The following MEI4 variants were observed in gnomAD, a reference collection of about 807,000 sequenced individuals.
MEI4 encodes meiosis-specific protein MEI4.
MEI4 carries 27 observed loss-of-function variants against 31.4 expected under a neutral mutation model. The observed-to-expected ratio is 0.86, with a 90% CI of 0.63 to 1.19. The LOEUF (loss-of-function observed/expected upper bound fraction) is 1.19. MEI4 is among the 50% of genes most tolerant of loss of function. MEI4 has a pLI of 0.00. For synonymous variants in MEI4, 122 were observed against 145.4 expected (o/e 0.84, Z 1.16); for missense variants, 329 against 398.9 (o/e 0.82, Z 1.49).
chr6:77,907,130 AT>A (rs1410619946), intron 4 of MEI4, among the ~76,000 whole-genome samples: 1 of 151,902 alleles, frequency 6.6e-6, no homozygotes, highest in African/African-American at 2.4e-5. Flanking sequence ...AGAATATTGA[AT>A]TACTAGCCAT....
At chr6:77,677,311 T>C (rs1768862563) in intron 1 of MEI4, among the ~76,000 whole-genome samples, 1 of 152,188 alleles carries the variant, frequency 6.6e-6, no homozygotes, top group African/African-American at 2.4e-5. Flanking sequence ...ATTTTCCCAA[T>C]GGCCTACCAC....
intron 2 of MEI4, among the ~76,000 whole-genome samples, chr6:77,732,449 G>C (rs1767030495): frequency 6.6e-6 from 1 of 152,036 alleles, no homozygotes; most frequent in Non-Finnish European, 1.5e-5. Flanking sequence ...TGGTGTATAA[G>C]AATGCTTGTG....
intron 2 of MEI4, among the ~76,000 whole-genome samples, chr6:77,752,633 T>G (rs559069079): frequency 6.6e-6 from 1 of 152,298 alleles, no homozygotes; most frequent in East Asian, 1.9e-4. Context: ...AGAAAAACTT[T>G]CCATGCTCAT....
intron 3 of MEI4, among the ~76,000 whole-genome samples, chr6:77,795,644 A>C (rs1290082443): frequency 6.6e-6 from 1 of 152,170 alleles, no homozygotes; most frequent in Non-Finnish European, 1.5e-5. Context: ...GACTACTGTG[A>C]ACATTATATG....
At position 77,917,985 on chromosome 6, in the gene MEI4, T is replaced by C. The variant is rs1209173601; in HGVS notation, c.901-5104T>C. On this transcript the variant is annotated intron_variant, in intron 4 of 4. Transcript: ENST00000684080. ...GGATCCAGTTTCAGCTTTCTACATATGGCTAGCCAGTTTTCCCATCACCAT... is the reference window on the plus strand; with the variant it reads ...GGATCCAGTTTCAGCTTTCTACATACGGCTAGCCAGTTTTCCCATCACCAT... Among the ~76,000 whole-genome samples, 3 of 151,800 alleles carry C rather than the reference T, an allele frequency of 2.0e-5. No homozygotes were observed. The East Asian group carries it at 5.9e-4, about 30-fold the overall frequency.
At chr6:77,673,186 A>G (rs1338081548) in intron 1 of MEI4, among the ~76,000 whole-genome samples, 1 of 152,184 alleles carries the variant, frequency 6.6e-6, no homozygotes, top group Non-Finnish European at 1.5e-5. Context: ...CTTAAAATGA[A>G]GCATTAAGTG....
At chr6:77,864,788 G>A (rs990938392) in intron 4 of MEI4, among the ~76,000 whole-genome samples, 14 of 152,104 alleles carry the variant, frequency 9.2e-5, no homozygotes, top group African/African-American at 2.7e-4. Flanking sequence ...ATTTTTTTCA[G>A]CACCACACCA....
At chr6:77,689,788 T>C (rs981357430) in intron 1 of MEI4, among the ~76,000 whole-genome samples, 1 of 152,030 alleles carries the variant, frequency 6.6e-6, no homozygotes, top group Non-Finnish European at 1.5e-5. Context: ...GTGGGGCAAC[T>C]GAAAGTCCTG....
chr6:77,865,147 C>T (rs576051314), intron 4 of MEI4, among the ~76,000 whole-genome samples: 12 of 152,208 alleles, frequency 7.9e-5, no homozygotes, highest in African/African-American at 2.6e-4. Flanking sequence ...CTAAAATTGA[C>T]ACCCTAACAT....
intron 1 of MEI4, among the ~76,000 whole-genome samples, chr6:77,673,884 G>C (rs1323875847): frequency 6.6e-6 from 1 of 152,102 alleles, no homozygotes; most frequent in Non-Finnish European, 1.5e-5. Flanking sequence ...GTTTAAAGGG[G>C]CTTTGGGCAC....
chr6:77,684,482 C>A (rs1562204981), intron 1 of MEI4, among the ~76,000 whole-genome samples: 1 of 151,978 alleles, frequency 6.6e-6, no homozygotes, highest in Non-Finnish European at 1.5e-5. Context: ...TACCTATCCC[C>A]ACCTTTCCCC....
intron 3 of MEI4, among the ~76,000 whole-genome samples, chr6:77,770,280 T>G: frequency 6.6e-6 from 1 of 151,918 alleles, no homozygotes; most frequent in East Asian, 1.9e-4. Context: ...ATGAAGAAAT[T>G]TAAAGCCTGA....
intron 2 of MEI4, among the ~76,000 whole-genome samples, chr6:77,735,507 G>C (rs939836189): frequency 6.6e-6 from 1 of 151,890 alleles, no homozygotes; most frequent in African/African-American, 2.4e-5. Context: ...GCACTTCTCT[G>C]TATTGGTTAT....
At chr6:77,810,302 G>T (rs1769545287) in intron 3 of MEI4, among the ~76,000 whole-genome samples, 1 of 152,142 alleles carries the variant, frequency 6.6e-6, no homozygotes. Context: ...CTTCCTCCAG[G>T]CCACCTGTTG....
chr6:77,899,292 A>C (rs1430025341), intron 4 of MEI4, among the ~76,000 whole-genome samples: 2 of 152,040 alleles, frequency 1.3e-5, no homozygotes, highest in Non-Finnish European at 2.9e-5. Context: ...CTGGAACAAA[A>C]CTGGAGTCTG....
chr6:77,761,516 A>C lies in MEI4; in HGVS notation c.619A>C (p.Arg207=). The C allele has an allele frequency of 8.1e-7, 1 of 1,232,112 alleles. No homozygotes were observed. The highest frequency in any genetic ancestry group is 4.1e-5 in the South Asian group (1 of 24,320). 76.3% of individuals were successfully genotyped at this position (1,232,112 alleles called of 1,614,324 possible). A position where few individuals can be genotyped will look rare whatever the true frequency, so the allele number is the denominator to read the frequency against. ...CCGTAATCCCAAACTTCCTTTTTCA[A>C]GATTTTGGACAGAAGCTGTTGGTAC... ...FYRNPKLPFS[R]FWTEAVGTLA... is the part of the protein sequence containing the mutation. The change falls in exon 3 of 5, where the codon AGA becomes CGA. Residue 207 remains arginine, a synonymous_variant. Transcript: ENST00000684080.
chr6:77,802,393 C>T (rs905112765), intron 3 of MEI4, among the ~76,000 whole-genome samples: 4 of 152,180 alleles, frequency 2.6e-5, no homozygotes, highest in Non-Finnish European at 5.9e-5. Flanking sequence ...TTCCTGAATA[C>T]ATCACACTAA....
intron 4 of MEI4, among the ~76,000 whole-genome samples, chr6:77,849,777 C>A (rs1770572590): frequency 6.6e-6 from 1 of 152,080 alleles, no homozygotes; most frequent in South Asian, 2.1e-4. Flanking sequence ...TGTAATGGTA[C>A]TCAAAAACTT....
intron 2 of MEI4, among the ~76,000 whole-genome samples, chr6:77,756,673 C>G (rs6924713): frequency 5.8e-4 from 87 of 151,016 alleles, no homozygotes; most frequent in African/African-American, 1.7e-3. Flanking sequence ...CTCTCTCCCC[C>G]CCGCCGCCTT....
Sources: allele counts gnomAD v4.1 joint callset (sites outside exome capture counted in the v4.1 genomes callset), GRCh38; gene constraint gnomAD v4.1.1; transcripts MANE v1.5; gene names NCBI Gene and HGNC (gene_info 2026-07-23, HGNC 2026-07-21).